The following DLC1 variants were observed in gnomAD, a reference collection of about 807,000 sequenced individuals.
The protein encoded by DLC1 is DLC1 Rho GTPase activating protein.
In DLC1, 54 loss-of-function variants were observed where a neutral mutation model predicts 140.3. The ratio of observed to expected loss-of-function variants is 0.38; its 90% confidence interval spans 0.31 to 0.48. DLC1 has a LOEUF of 0.48. Ranked by LOEUF, DLC1 falls within the 20% of genes least tolerant of loss-of-function variation. The pLI is 0.96. For synonymous variants in DLC1, 986 were observed against 728.1 expected, an observed-to-expected ratio of 1.35 and a Z score of -5.70; for missense variants, 2,536 against 1,907.0, an observed-to-expected ratio of 1.33 and a Z score of -6.14.
intron 16 of DLC1, among the ~76,000 whole-genome samples, chr8:13,087,591 C>A (rs879323437): frequency 5.9e-5 from 9 of 152,192 alleles, no homozygotes; most frequent in Non-Finnish European, 1.2e-4. Context: ...CTGTACAGAG[C>A]CGTTGTTACA....
At chr8:13,347,300 C>G (rs1403230108) in intron 4 of DLC1, among the ~76,000 whole-genome samples, 1 of 152,148 alleles carries the variant, frequency 6.6e-6, no homozygotes, top group Non-Finnish European at 1.5e-5. Context: ...AAAAACAAAA[C>G]CACATTCAGT....
chr8:13,526,395 G>A (rs1452997626), intron 1 of DLC1, among the ~76,000 whole-genome samples: 2 of 152,054 alleles, frequency 1.3e-5, no homozygotes, highest in Non-Finnish European at 2.9e-5. Context: ...TCAATTGCAG[G>A]AAAACTGACA....
intron 5 of DLC1, among the ~76,000 whole-genome samples, chr8:13,186,852 T>A (rs997255206): frequency 2.0e-5 from 3 of 152,236 alleles, no homozygotes; most frequent in Non-Finnish European, 4.4e-5. Flanking sequence ...ATGAACTTTT[T>A]GTTGATGTTG....
At chr8:13,185,613 G>C (rs1262754972) in intron 5 of DLC1, among the ~76,000 whole-genome samples, 4 of 152,062 alleles carry the variant, frequency 2.6e-5, no homozygotes, top group Non-Finnish European at 4.4e-5. Flanking sequence ...GGCCCAGTCT[G>C]TGTCTTTTAA....
At chr8:13,178,911 C>T (rs1176242238) in intron 5 of DLC1, among the ~76,000 whole-genome samples, 1 of 152,084 alleles carries the variant, frequency 6.6e-6, no homozygotes, top group Non-Finnish European at 1.5e-5. Context: ...ACCAAATATA[C>T]ACCGAATACC....
At chr8:13,405,908 TTTC>T (rs1170908464) in intron 2 of DLC1, among the ~76,000 whole-genome samples, 18 of 135,848 alleles carry the variant, frequency 1.3e-4, no homozygotes, top group Admixed American at 4.6e-4. Flanking sequence ...TTTTTCTTTC[TTTC>T]TTTTCTTTTC....
intron 5 of DLC1, among the ~76,000 whole-genome samples, chr8:13,295,722 T>C (rs1213206984): frequency 6.6e-6 from 1 of 152,104 alleles, no homozygotes; most frequent in African/African-American, 2.4e-5. Context: ...TATAAGTCGT[T>C]TTATACTCAG....
chr8:13,425,634 A>G (rs1838538871), intron 2 of DLC1, among the ~76,000 whole-genome samples: 1 of 148,800 alleles, frequency 6.7e-6, no homozygotes, highest in Admixed American at 6.8e-5. Context: ...TTTTTGAAGT[A>G]TTGAGTCAAT....
chr8:13,398,154 CT>C (rs1206679739), intron 3 of DLC1, among the ~76,000 whole-genome samples: 1 of 151,608 alleles, frequency 6.6e-6, no homozygotes, highest in East Asian at 1.9e-4. Flanking sequence ...GACCTTGTCT[CT>C]AAAAAATAAA....
intron 5 of DLC1, among the ~76,000 whole-genome samples, chr8:13,221,840 A>T (rs1322096303): frequency 1.4e-5 from 2 of 144,932 alleles, no homozygotes; most frequent in Non-Finnish European, 3.0e-5. Context: ...CAAAATATTA[A>T]TATAAAATAT....
intron 2 of DLC1, among the ~76,000 whole-genome samples, chr8:13,467,157 A>G (rs913321155): frequency 2.0e-5 from 3 of 152,186 alleles, no homozygotes; most frequent in African/African-American, 7.2e-5. Context: ...AAAAATGTAC[A>G]TTTTCTAAAC....
At chr8:13,567,553 G>C (rs1804492178) in intron 1 of DLC1, 1 of 1,550,628 alleles carries the variant, frequency 6.4e-7, no homozygotes, top group African/African-American at 1.4e-5. Context: ...GCCAAAACAG[G>C]AGGCAGCAGC....
intron 5 of DLC1, among the ~76,000 whole-genome samples, chr8:13,303,214 A>G (rs961360574): frequency 8.5e-5 from 13 of 152,326 alleles, no homozygotes; most frequent in African/African-American, 3.1e-4. Context: ...TATTTTCATA[A>G]AGAGCAGAAG....
chr8:13,454,940 G>T (rs1799318788), intron 2 of DLC1, among the ~76,000 whole-genome samples: 1 of 152,088 alleles, frequency 6.6e-6, no homozygotes, highest in Admixed American at 6.6e-5. Context: ...AGATAGATAA[G>T]CATGTTTGGG....
At chr8:13,346,068 C>G (rs1450937512) in intron 4 of DLC1, among the ~76,000 whole-genome samples, 2 of 152,128 alleles carry the variant, frequency 1.3e-5, no homozygotes, top group East Asian at 3.9e-4. Flanking sequence ...AAGCTAGATA[C>G]TTGTCAATAC....
intron 5 of DLC1, among the ~76,000 whole-genome samples, chr8:13,171,792 G>C (rs1195510009): frequency 6.6e-6 from 1 of 152,198 alleles, no homozygotes; most frequent in Admixed American, 6.5e-5. Flanking sequence ...TATAGCTAGA[G>C]TACTTGGAGG....
chr8:13,577,341 C>T (rs765262776), intron 1 of DLC1, among the ~76,000 whole-genome samples: 1 of 152,040 alleles, frequency 6.6e-6, no homozygotes, highest in African/African-American at 2.4e-5. Flanking sequence ...GCTTATTATG[C>T]GATGGGTCAG....
At chr8:13,479,859 G>GAAGA (rs1259593395) in intron 2 of DLC1, among the ~76,000 whole-genome samples, 2 of 32,150 alleles carry the variant, frequency 6.2e-5, no homozygotes, top group Admixed American at 2.3e-4. Flanking sequence ...AGAAGAAGAA[G>GAAGA]AGAAAAAGAA....
Position 13,489,062 on chromosome 8 carries a change from C to G in DLC1, c.1023+9987G>C, listed in dbSNP as rs566328220. Among the ~76,000 whole-genome samples the G allele has an allele frequency of 9.4e-4, 143 of 152,254 alleles. 1 individual carries two copies. Among genetic ancestry groups the G allele is most frequent in the South Asian group, 9.1e-3 (44 of 4,824 alleles). ...TCCTGGGTTGAAGTGACTCTCCTGTCTCAGTCTCCCGAGCAGCTGGGATTA... is the reference window on the plus strand; with the variant it reads ...TCCTGGGTTGAAGTGACTCTCCTGTGTCAGTCTCCCGAGCAGCTGGGATTA... On this transcript the variant is annotated intron_variant, in intron 2 of 17. Coordinates refer to ENST00000276297, the MANE Select transcript of DLC1 (RefSeq NM_182643.3).
Sources: gnomAD v4.1 joint callset for allele counts (sites outside exome capture counted in the v4.1 genomes callset) on GRCh38, gnomAD v4.1.1 for gene constraint, MANE v1.5 for transcripts, NCBI Gene and HGNC (gene_info 2026-07-23, HGNC 2026-07-21) for gene names.